The following ADCY2 variants were observed in gnomAD, a reference collection of about 807,000 sequenced individuals.
ADCY2 encodes adenylate cyclase 2, also known as adenylate cyclase type 2.
ADCY2 carries 31 observed loss-of-function variants against 125.2 expected under a neutral mutation model. The ratio of observed to expected loss-of-function variants is 0.25; its 90% confidence interval spans 0.19 to 0.33. The LOEUF is 0.33. Among genes scored for constraint, ADCY2 ranks in the 10% least tolerant of loss-of-function variants. The probability of loss-of-function intolerance (pLI) is 1.00; values close to 1 mark genes in which losing one functional copy is unlikely to be tolerated. For synonymous variants in ADCY2, 512 were observed against 548.4 expected (o/e 0.93, Z 0.93); for missense variants, 904 against 1,418.2 (o/e 0.64, Z 5.82).
At chr5:7,399,626 G>A (rs180745728) in intron 1 of ADCY2, among the ~76,000 whole-genome samples, 244 of 152,294 alleles carry the variant, frequency 1.6e-3, no homozygotes, top group African/African-American at 5.6e-3. Context: ...TATTTGTGAA[G>A]AATTATTTGA....
At chr5:7,782,799 A>T (rs543857927) in intron 18 of ADCY2, among the ~76,000 whole-genome samples, 92 of 152,378 alleles carry the variant, frequency 6.0e-4, no homozygotes, top group African/African-American at 2.2e-3. Flanking sequence ...TGAAAGTCAG[A>T]GTCAGAATTG....
At position 7,709,721 on chromosome 5, in the gene ADCY2, G is replaced by T. The variant is rs746240363; in HGVS notation, c.1578+334G>T. 1.3e-5 allele frequency among the ~76,000 whole-genome samples: 2 copies of T among 152,184 alleles called. No individual in the cohort carries two copies. The highest frequency in any genetic ancestry group is 2.4e-5 in the African/African-American group (1 of 41,438). ...CTATCATGAAGTAGAAAGCCTTGAGGTTCTTAATAAAAAGACAAAGGCATG... is the reference window on the plus strand; with the variant it reads ...CTATCATGAAGTAGAAAGCCTTGAGTTTCTTAATAAAAAGACAAAGGCATG... On this transcript the variant is annotated intron_variant, in intron 10 of 24. Transcript: ENST00000338316. The surrounding 1 kb of genome is among the most constrained non-coding windows in gnomAD (Gnocchi z 4.4).
chr5:7,441,989 T>C (rs1156258410), intron 2 of ADCY2, among the ~76,000 whole-genome samples: 1 of 152,178 alleles, frequency 6.6e-6, no homozygotes, highest in Admixed American at 6.5e-5. Flanking sequence ...TTAAACTCTC[T>C]CTGTTTTTCT....
chr5:7,579,505 A>G (rs900139996), intron 3 of ADCY2, among the ~76,000 whole-genome samples: 2 of 152,178 alleles, frequency 1.3e-5, no homozygotes, highest in Non-Finnish European at 2.9e-5. Context: ...TGAAATAAGC[A>G]TGATCCAGCC....
intron 12 of ADCY2, among the ~76,000 whole-genome samples, chr5:7,718,560 G>A (rs1741667670): frequency 6.6e-6 from 1 of 152,136 alleles, no homozygotes; most frequent in African/African-American, 2.4e-5. Context: ...GTGTCAGTGT[G>A]AGTGCATATT....
At chr5:7,816,686 C>T (rs890482669) in intron 22 of ADCY2, among the ~76,000 whole-genome samples, 180 bp from the exon 23 acceptor site, 1 of 152,250 alleles carries the variant, frequency 6.6e-6, no homozygotes, top group Non-Finnish European at 1.5e-5. Context: ...TAACGTCTCC[C>T]CTTGGCCACA....
At chr5:7,554,143 A>G (rs1420044510) in intron 3 of ADCY2, among the ~76,000 whole-genome samples, 3 of 152,242 alleles carry the variant, frequency 2.0e-5, no homozygotes, top group Non-Finnish European at 4.4e-5. Flanking sequence ...TTTATTAGTG[A>G]TTTCACTTCT....
chr5:7,498,604 A>G (rs1743434105), intron 2 of ADCY2, among the ~76,000 whole-genome samples: 1 of 152,108 alleles, frequency 6.6e-6, no homozygotes, highest in African/African-American at 2.4e-5. Context: ...CTACTTGAAA[A>G]ACTGTAAATT....
chr5:7,444,801 C>T (rs1425464122), intron 2 of ADCY2, among the ~76,000 whole-genome samples: 1 of 152,136 alleles, frequency 6.6e-6, no homozygotes, highest in African/African-American at 2.4e-5. Flanking sequence ...TGCATTATCA[C>T]ACAGTTAGAG....
chr5:7,809,222 A>G (rs186646530), intron 22 of ADCY2, among the ~76,000 whole-genome samples: 44 of 152,328 alleles, frequency 2.9e-4, no homozygotes, highest in Non-Finnish European at 5.3e-4. Flanking sequence ...TTGAAATATG[A>G]TATGTAGTCA....
Position 7,802,158 on chromosome 5 carries a change from G to A in ADCY2, c.2629-60G>A, listed in dbSNP as rs2126521604. On this transcript the variant is annotated intron_variant, in intron 20 of 24. Coordinates refer to ENST00000338316, the MANE Select transcript of ADCY2 (RefSeq NM_020546.3). This position sits in a 1 kb window ranked among gnomAD's most constrained non-coding sequence, Gnocchi z 4.6. ...GGCATAAACAAGCCACTTGCCTGTGGAGTGTTTCTGTTTAAAGGTCAGTCT... is the reference window on the plus strand; with the variant it reads ...GGCATAAACAAGCCACTTGCCTGTGAAGTGTTTCTGTTTAAAGGTCAGTCT... 3.2e-6 allele frequency: 5 copies of A among 1,577,918 alleles called. 1 individual carries two copies. The South Asian group carries it at 4.6e-5, about 15-fold the overall frequency.
At chr5:7,719,580 A>G (rs1455487399) in intron 12 of ADCY2, among the ~76,000 whole-genome samples, 1 of 152,130 alleles carries the variant, frequency 6.6e-6, no homozygotes. Flanking sequence ...TTGCTTATTC[A>G]TTCACTGATG....
chr5:7,727,708 C>T lies in ADCY2; in HGVS notation c.1871+447C>T, dbSNP rs561015879. 3.0e-4 allele frequency among the ~76,000 whole-genome samples: 46 copies of T among 152,118 alleles called. 1 individual carries two copies. In the South Asian group the frequency reaches 6.9e-3, roughly 23 times the overall value. ...TTTTGTCCAAGTTCTGTGTGTTACA[C>T]GGCCCTCTCTTCTCTGAAATCCACT... On this transcript the variant is annotated intron_variant, in intron 14 of 24. Coordinates refer to ENST00000338316, the MANE Select transcript of ADCY2 (RefSeq NM_020546.3).
Position 7,709,189 on chromosome 5 carries a change from A to T in ADCY2, c.1402-22A>T. The T allele has an allele frequency of 6.3e-7, 1 of 1,583,920 alleles. No individual in the cohort carries two copies. Among genetic ancestry groups the T allele is most frequent in the East Asian group, 2.3e-5 (1 of 44,248 alleles). ...GTGGCCCTGTGCTGTGCCAGGTGTG[A>T]TGCTTTGTTTCTCACCCCAAGGGAG... On this transcript the variant is annotated intron_variant, in intron 9 of 24. Coordinates refer to ENST00000338316, the MANE Select transcript of ADCY2 (RefSeq NM_020546.3). This position sits in a 1 kb window ranked among gnomAD's most constrained non-coding sequence, Gnocchi z 4.4.
intron 3 of ADCY2, among the ~76,000 whole-genome samples, chr5:7,615,644 G>A (rs1737730098): frequency 6.6e-6 from 1 of 152,130 alleles, no homozygotes; most frequent in Non-Finnish European, 1.5e-5. Context: ...TTTCCAGACT[G>A]TGTTCCAAGG....
intron 4 of ADCY2, among the ~76,000 whole-genome samples, chr5:7,686,656 G>A (rs1390596772): frequency 6.6e-6 from 1 of 152,218 alleles, no homozygotes; most frequent in African/African-American, 2.4e-5. Context: ...AAATAATGTA[G>A]CTAAGTTATA....
intron 3 of ADCY2, among the ~76,000 whole-genome samples, chr5:7,589,586 C>A (rs933390737): frequency 6.6e-6 from 1 of 151,968 alleles, no homozygotes; most frequent in Non-Finnish European, 1.5e-5. Flanking sequence ...AAAGAAAATA[C>A]ATATTGGTGA....
chr5:7,464,714 A>G (rs759490178), intron 2 of ADCY2, among the ~76,000 whole-genome samples: 7 of 152,212 alleles, frequency 4.6e-5, no homozygotes, highest in Non-Finnish European at 7.3e-5. Context: ...AAAATGACCA[A>G]ATCTAAATGA....
intron 3 of ADCY2, among the ~76,000 whole-genome samples, chr5:7,527,727 A>C (rs1324560664): frequency 6.6e-6 from 1 of 152,224 alleles, no homozygotes; most frequent in Non-Finnish European, 1.5e-5. Flanking sequence ...TTTAGATTGC[A>C]CCTAATACAG....
Sources: gnomAD v4.1 joint callset for allele counts (sites outside exome capture counted in the v4.1 genomes callset) on GRCh38, gnomAD v4.1.1 for gene constraint, Gnocchi (gnomAD v3.1) non-coding constraint, MANE v1.5 for transcripts, NCBI Gene and HGNC (gene_info 2026-07-23, HGNC 2026-07-21) for gene names.